CSMD1: variants seen among roughly 807,000 people sequenced by gnomAD.
CSMD1 encodes CUB and sushi domain-containing protein 1.
CSMD1 carries 213 observed loss-of-function variants against 417.5 expected under a neutral mutation model. That is an observed-to-expected ratio of 0.51 (90% CI 0.46 to 0.57). CSMD1 has a LOEUF of 0.57. Ranked by LOEUF, CSMD1 falls within the 20% of genes least tolerant of loss-of-function variation. The pLI is 0.00. For synonymous variants in CSMD1, 2,862 were observed against 1,736.8 expected, an observed-to-expected ratio of 1.65 and a Z score of -16.11; for missense variants, 6,923 against 4,529.7, an observed-to-expected ratio of 1.53 and a Z score of -15.17.
At chr8:3,579,691 C>T (rs1255686064) in intron 9 of CSMD1, among the ~76,000 whole-genome samples, 1 of 152,154 alleles carries the variant, frequency 6.6e-6, no homozygotes, top group Non-Finnish European at 1.5e-5. Flanking sequence ...GCTGTCTCAT[C>T]TTAACTTATT....
At chr8:4,462,894 C>A (rs1376420014) in intron 2 of CSMD1, among the ~76,000 whole-genome samples, 1 of 151,978 alleles carries the variant, frequency 6.6e-6, no homozygotes, top group Non-Finnish European at 1.5e-5. Flanking sequence ...ATCTTTGTAA[C>A]CTGATGTTAA....
intron 54 of CSMD1, among the ~76,000 whole-genome samples, chr8:2,993,733 G>A (rs747792626): frequency 6.6e-6 from 1 of 152,124 alleles, no homozygotes; most frequent in Non-Finnish European, 1.5e-5. Context: ...CGTGGCTAAA[G>A]TTTTAGGACG....
At chr8:4,444,897 C>G (rs1798692311) in intron 2 of CSMD1, among the ~76,000 whole-genome samples, 1 of 152,150 alleles carries the variant, frequency 6.6e-6, no homozygotes, top group Admixed American at 6.5e-5. Context: ...CAGACTCTGA[C>G]CTTGTCCAGG....
chr8:4,163,545 C>T (rs1193372928), intron 3 of CSMD1, among the ~76,000 whole-genome samples: 1 of 152,152 alleles, frequency 6.6e-6, no homozygotes, highest in Admixed American at 6.6e-5. Context: ...GGTAAAGCTA[C>T]AGCATCATTT....
At chr8:3,094,102 A>ATTTTTTAT (rs1554510665) in intron 47 of CSMD1, among the ~76,000 whole-genome samples, 6 of 150,306 alleles carry the variant, frequency 4.0e-5, no homozygotes, top group Admixed American at 6.6e-5. Context: ...ATTTTATTTT[A>ATTTTTTAT]TTTTTTATTT....
chr8:4,528,664 T>C (rs1330220110), intron 2 of CSMD1, among the ~76,000 whole-genome samples: 2 of 152,232 alleles, frequency 1.3e-5, no homozygotes, highest in East Asian at 3.8e-4. Flanking sequence ...AATGGTTTCA[T>C]GGTGTACACC....
At chr8:4,823,484 T>C (rs139643224) in intron 1 of CSMD1, among the ~76,000 whole-genome samples, 53 of 152,156 alleles carry the variant, frequency 3.5e-4, no homozygotes, top group African/African-American at 1.2e-3. Flanking sequence ...GAGGATTCCA[T>C]AGAATAATGC....
At chr8:3,268,781 G>C (rs1801623971) in intron 26 of CSMD1, among the ~76,000 whole-genome samples, 1 of 152,120 alleles carries the variant, frequency 6.6e-6, no homozygotes. Context: ...GGGAGTTTGA[G>C]ACTTATCAGA....
rs552018261 is a variant in CSMD1 at position 3,747,174 on chromosome 8, C to T, written c.931+6756G>A. The stretch of plus-strand genomic sequence containing the variant: ...AGCCTGTACTCACATCCTGGTTCTG[C>T]CATTTGCAAGCTGTATGACGAGAGC... On this transcript the variant is annotated intron_variant, in intron 6 of 69. Coordinates refer to ENST00000635120, the MANE Select transcript of CSMD1 (RefSeq NM_033225.6). Among the ~76,000 whole-genome samples, 10 of 152,310 alleles carry T rather than the reference C, an allele frequency of 6.6e-5. No homozygotes were observed. In the South Asian group the frequency reaches 1.5e-3, roughly 22 times the overall value.
At chr8:4,343,834 T>C (rs1800625874) in intron 3 of CSMD1, among the ~76,000 whole-genome samples, 1 of 152,130 alleles carries the variant, frequency 6.6e-6, no homozygotes. Flanking sequence ...ACCACTTCAA[T>C]TTGTTTTTCT....
At chr8:4,537,014 C>T (rs779863345) in intron 2 of CSMD1, among the ~76,000 whole-genome samples, 12 of 152,088 alleles carry the variant, frequency 7.9e-5, no homozygotes, top group East Asian at 5.8e-4. Flanking sequence ...AATTTGAGCA[C>T]GGTCTTATAT....
chr8:3,485,562 G>A (rs1487942485), intron 11 of CSMD1, among the ~76,000 whole-genome samples: 2 of 149,906 alleles, frequency 1.3e-5, no homozygotes, highest in Non-Finnish European at 3.0e-5. Context: ...GAGAGAGAGA[G>A]AGGGAGAGAG....
chr8:3,387,447 G>C (rs371044906), intron 18 of CSMD1, 47 bp downstream of exon 18: 1 of 1,509,528 alleles, frequency 6.6e-7, no homozygotes, highest in Non-Finnish European at 9.0e-7. Flanking sequence ...CGTGTGCGCT[G>C]TCTCTGCACA....
intron 2 of CSMD1, among the ~76,000 whole-genome samples, chr8:4,633,681 C>G (rs7817107): frequency 3.3e-5 from 5 of 151,990 alleles, no homozygotes; most frequent in Admixed American, 2.0e-4. Flanking sequence ...CTCAGCCTCC[C>G]GAGTAGCTGG....
At chr8:4,162,991 G>A (rs928284491) in intron 3 of CSMD1, among the ~76,000 whole-genome samples, 12 of 152,128 alleles carry the variant, frequency 7.9e-5, no homozygotes, top group Admixed American at 2.6e-4. Context: ...CACAAAGTGG[G>A]TAACCTTTTC....
intron 5 of CSMD1, among the ~76,000 whole-genome samples, chr8:3,967,992 C>A (rs1183001205): frequency 3.0e-5 from 4 of 133,588 alleles, no homozygotes; most frequent in East Asian, 2.2e-4. Flanking sequence ...ACGGTGAAAC[C>A]CCGTCACTGC....
intron 3 of CSMD1, among the ~76,000 whole-genome samples, chr8:4,184,279 T>C (rs1798541777): frequency 1.3e-5 from 2 of 152,216 alleles, no homozygotes. Flanking sequence ...ATTTATAATC[T>C]AACGCTATTC....
chr8:3,505,911 C>G (rs1306487461), intron 10 of CSMD1, among the ~76,000 whole-genome samples: 1 of 152,108 alleles, frequency 6.6e-6, no homozygotes, highest in Non-Finnish European at 1.5e-5. Context: ...TAAGGAGGTT[C>G]TTTACAAATA....
At chr8:3,251,107 C>T (rs1343877334) in intron 26 of CSMD1, among the ~76,000 whole-genome samples, 2 of 152,074 alleles carry the variant, frequency 1.3e-5, no homozygotes, top group African/African-American at 4.8e-5. Flanking sequence ...GTTGCCATTG[C>T]TTTTGGTGTT....
Sources: allele counts gnomAD v4.1 joint callset (sites outside exome capture counted in the v4.1 genomes callset), GRCh38; gene constraint gnomAD v4.1.1; transcripts MANE v1.5; gene names NCBI Gene and HGNC (gene_info 2026-07-23, HGNC 2026-07-21).